The following PHF2 variants were observed in gnomAD, a reference collection of about 807,000 sequenced individuals.
PHF2 encodes the protein PHD finger protein 2.
PHF2 carries 27 observed loss-of-function variants against 120.5 expected under a neutral mutation model. The observed-to-expected ratio is 0.22, with a 90% CI of 0.17 to 0.31. The LOEUF is 0.31. PHF2 is among the 10% of genes least tolerant of loss of function. The pLI, the probability that PHF2 is intolerant of heterozygous loss-of-function variation, is 1.00. For missense variants in PHF2, 1,024 were observed against 1,434.8 expected (o/e 0.71, Z 4.63); for synonymous variants, 568 against 592.5 (o/e 0.96, Z 0.60).
chr9:93,666,092 G>T, intron 16 of PHF2, 32 bp downstream of exon 16: 1 of 1,602,818 alleles, frequency 6.2e-7, no homozygotes. Flanking sequence ...CCTCAGTCTC[G>T]GGGGGCATCT....
At chr9:93,667,021 C>A (rs947829704) in intron 16 of PHF2, 59 bp from the exon 17 acceptor site, 398 of 1,484,896 alleles carry the variant, frequency 2.7e-4, no homozygotes, top group Non-Finnish European at 3.3e-4. Flanking sequence ...CTCCCAACTC[C>A]CAGGCCACTT....
intron 1 of PHF2, among the ~76,000 whole-genome samples, chr9:93,593,100 A>G (rs1454096309): frequency 8.1e-6 from 1 of 123,124 alleles, no homozygotes; most frequent in Non-Finnish European, 1.8e-5. Context: ...AAAAAAAAAA[A>G]AAAAAAAAAA....
At chr9:93,669,381 C>T (rs550619176) in intron 17 of PHF2, among the ~76,000 whole-genome samples, 97 of 152,358 alleles carry the variant, frequency 6.4e-4, no homozygotes, top group African/African-American at 2.3e-3. Flanking sequence ...GGAGTGACTG[C>T]GCTCACTTAG....
At position 93,676,812 on chromosome 9, in the gene PHF2, T is replaced by C. The variant is rs1826924849; in HGVS notation, c.3051T>C (p.His1017=). 1 of 1,555,238 alleles carries C rather than the reference T, an allele frequency of 6.4e-7. No homozygotes were observed. Among genetic ancestry groups the C allele is most frequent in the African/African-American group, 1.4e-5 (1 of 73,420 alleles). ...CGCCAGAGCCCCCGCCTGAGTCGCA[T>C]AGCAGCAGCCTGGCGGACCATGAGT... ...GSSPEPPPES[H]SSSLADHEYT... is the part of the protein sequence containing the mutation. Residue 1017 remains histidine, a synonymous_variant, in exon 21 of 22, where the codon CAT becomes CAC. Transcript: ENST00000359246.
rs1826092752 is a variant in PHF2 at position 93,636,408 on chromosome 9, C to T, written c.185-3C>T. The T allele has an allele frequency of 3.7e-6, 6 of 1,601,098 alleles. No individual in the cohort carries two copies. The highest frequency in any genetic ancestry group is 5.1e-6 in the Non-Finnish European group (6 of 1,173,778). On this transcript the variant is annotated splice_region_variant and splice_polypyrimidine_tract_variant and intron_variant, in intron 2 of 21. Coordinates refer to ENST00000359246, the MANE Select transcript of PHF2 (RefSeq NM_005392.4). ...CCGACCTTGCTTCCGGTCTCCTCCA[C>T]AGTAAAGAAGAAGCGGACCTGGCAC...
At chr9:93,662,331 A>G (rs1826585578) in intron 12 of PHF2, among the ~76,000 whole-genome samples, 1 of 151,826 alleles carries the variant, frequency 6.6e-6, no homozygotes, top group South Asian at 2.1e-4. Context: ...GGATGAATTA[A>G]TGAATGAACA....
chr9:93,620,719 C>T (rs905716742), intron 1 of PHF2, among the ~76,000 whole-genome samples: 1 of 152,188 alleles, frequency 6.6e-6, no homozygotes, highest in South Asian at 2.1e-4. Flanking sequence ...TACCTAGTCT[C>T]CTTCAGATTC....
At chr9:93,650,465 C>T (rs1325902748) in intron 5 of PHF2, among the ~76,000 whole-genome samples, 4 of 152,224 alleles carry the variant, frequency 2.6e-5, no homozygotes, top group Admixed American at 6.5e-5. Flanking sequence ...CCTGCAGGGG[C>T]GGCTGCTGTG....
At chr9:93,663,734 C>G (rs943269863) in intron 14 of PHF2, 99 bp downstream of exon 14, 4 of 687,168 alleles carry the variant, frequency 5.8e-6, no homozygotes, top group Non-Finnish European at 1.0e-5. Context: ...ACCACACACA[C>G]ATTACACACA....
At chr9:93,650,149 TCA>T (rs945155823) in intron 5 of PHF2, among the ~76,000 whole-genome samples, 30 of 144,686 alleles carry the variant, frequency 2.1e-4, no homozygotes, top group African/African-American at 4.4e-4. Context: ...CACGGTACAC[TCA>T]CACATGGACA....
chr9:93,619,042 A>G (rs1046935247), intron 1 of PHF2, among the ~76,000 whole-genome samples: 2 of 150,272 alleles, frequency 1.3e-5, no homozygotes, highest in African/African-American at 2.5e-5. Context: ...CTTGCCCACC[A>G]TGTGGTACAC....
intron 1 of PHF2, among the ~76,000 whole-genome samples, chr9:93,629,050 C>A (rs1275907989): frequency 6.6e-6 from 1 of 152,116 alleles, no homozygotes; most frequent in Non-Finnish European, 1.5e-5. Flanking sequence ...GTGTGTGCCA[C>A]TGTGCTCCGG....
chr9:93,639,483 A>G (rs1190077794), intron 3 of PHF2, among the ~76,000 whole-genome samples: 1 of 152,058 alleles, frequency 6.6e-6, no homozygotes, highest in African/African-American at 2.4e-5. Context: ...GTTCCTTAGT[A>G]TTTTATATAT....
intron 3 of PHF2, among the ~76,000 whole-genome samples, chr9:93,638,610 A>G (rs1219003288): frequency 3.3e-5 from 5 of 152,244 alleles, no homozygotes; most frequent in Admixed American, 2.6e-4. Context: ...CTGATATTCA[A>G]TTCTATTCCA....
intron 1 of PHF2, among the ~76,000 whole-genome samples, chr9:93,584,117 T>C (rs919191626): frequency 1.3e-5 from 2 of 152,260 alleles, no homozygotes; most frequent in Admixed American, 6.5e-5. Context: ...CATGAGCTAC[T>C]GCGCCCAGCC....
chr9:93,619,219 G>A (rs1023617006), intron 1 of PHF2, among the ~76,000 whole-genome samples: 1 of 152,084 alleles, frequency 6.6e-6, no homozygotes, highest in African/African-American at 2.4e-5. Flanking sequence ...CCCCTGCCCA[G>A]CCATCTCCTG....
Position 93,662,926 on chromosome 9 carries a change from G to A in PHF2, c.1718G>A (p.Ser573Asn). ...KKGKATKSVL[S>N]VPNKDVVHMQ... ...TTCTAGGCCACAAAGAGTGTCCTGA[G>A]TGTGCCCAACAAAGATGTGGTTCAC... Residue 573 changes from serine (S) to asparagine (N), a missense_variant, in exon 13 of 22, where the codon AGT becomes AAT. Around this residue, in one of 2 missense-constraint regions of PHF2, gnomAD observed 677 missense variants for 857.4 expected, o/e 0.79. Coordinates refer to ENST00000359246, the MANE Select transcript of PHF2 (RefSeq NM_005392.4). The A allele has an allele frequency of 6.2e-7, 1 of 1,614,084 alleles. No individual in the cohort carries two copies. Among genetic ancestry groups the A allele is most frequent in the East Asian group, 2.2e-5 (1 of 44,884 alleles).
chr9:93,676,463 C>T, intron 20 of PHF2, 131 bp from the exon 21 acceptor site: 1 of 1,111,976 alleles, frequency 9.0e-7, no homozygotes. Flanking sequence ...GGCCCAGAGT[C>T]AGGCCTCAGG....
In PHF2 at chr9:93,617,562, C is replaced by T. The variant is rs192700383; in HGVS notation, c.99-12408C>T. On this transcript the variant is annotated intron_variant, in intron 1 of 21. Transcript: ENST00000359246. ...ATCTGAATTCTACACTCCCCGCCCC[C>T]GAAGCCTTTCAGCTTTCTTTTTCTT... Among the ~76,000 whole-genome samples the T allele has an allele frequency of 1.2e-3, 187 of 152,300 alleles. 3 individuals carry two copies. The highest frequency in any genetic ancestry group is 4.1e-3 in the African/African-American group (170 of 41,558).
Sources: gnomAD v4.1 joint callset for allele counts (sites outside exome capture counted in the v4.1 genomes callset) on GRCh38, gnomAD v4.1.1 for gene constraint, gnomAD v4.1.1 regional missense constraint, MANE v1.5 for transcripts, NCBI Gene and HGNC (gene_info 2026-07-23, HGNC 2026-07-21) for gene names.